The following KCNIP4 variants were observed in gnomAD, a reference collection of about 807,000 sequenced individuals.
The protein encoded by KCNIP4 is Kv channel-interacting protein 4.
A neutral mutation model predicts 34.0 loss-of-function variants in KCNIP4; 12 were observed. The observed-to-expected ratio is 0.35, with a 90% CI of 0.23 to 0.57. The LOEUF is 0.57. KCNIP4 is among the 20% of genes least tolerant of loss of function. The pLI, the probability that KCNIP4 is intolerant of heterozygous loss-of-function variation, is 0.83. For missense variants in KCNIP4, 238 were observed against 311.7 expected, an observed-to-expected ratio of 0.76 and a Z score of 1.78; for synonymous variants, 124 against 102.2, an observed-to-expected ratio of 1.21 and a Z score of -1.29.
intron 1 of KCNIP4, among the ~76,000 whole-genome samples, chr4:20,980,681 T>G (rs773484128): frequency 6.6e-6 from 1 of 152,142 alleles, no homozygotes; most frequent in Non-Finnish European, 1.5e-5. Context: ...AAAATCACAC[T>G]GGAGAAAATA....
chr4:21,100,560 T>A (rs1046428610), intron 1 of KCNIP4, among the ~76,000 whole-genome samples: 6 of 151,868 alleles, frequency 4.0e-5, no homozygotes, highest in East Asian at 1.9e-4. Context: ...CTCAAAAAAA[T>A]AAATAAATAA....
intron 2 of KCNIP4, among the ~76,000 whole-genome samples, chr4:20,858,777 A>G (rs923713564): frequency 3.3e-5 from 5 of 152,186 alleles, no homozygotes; most frequent in African/African-American, 1.2e-4. Context: ...GCGTGGTTGT[A>G]TATTATCCCA....
At chr4:21,690,148 TAC>T (rs1023219502) in intron 1 of KCNIP4, among the ~76,000 whole-genome samples, 3 of 147,836 alleles carry the variant, frequency 2.0e-5, no homozygotes, top group South Asian at 4.2e-4. Context: ...TATATATATA[TAC>T]ACACACACAT....
In KCNIP4 at chr4:21,735,249, T is replaced by C. The variant is rs551782870; in HGVS notation, c.61+213322A>G. Among the ~76,000 whole-genome samples the C allele has an allele frequency of 3.9e-5, 6 of 152,252 alleles. No homozygotes were observed. The East Asian group carries it at 5.8e-4, about 15-fold the overall frequency. Reference sequence around the variant, plus strand: ...ATGGTATGCTAGAGCCGGCTTCTAATTGGCTTGTGAGAGCCAATTGCTAAA... The same window carrying C: ...ATGGTATGCTAGAGCCGGCTTCTAACTGGCTTGTGAGAGCCAATTGCTAAA... On this transcript the variant is annotated intron_variant, in intron 1 of 8. Coordinates refer to ENST00000382152, the MANE Select transcript of KCNIP4 (RefSeq NM_025221.6).
At chr4:21,287,435 T>A (rs961866569) in intron 1 of KCNIP4, among the ~76,000 whole-genome samples, 43 of 152,204 alleles carry the variant, frequency 2.8e-4, no homozygotes, top group Non-Finnish European at 2.9e-5. Flanking sequence ...ATGAGTATTA[T>A]AATGATACAG....
chr4:21,942,486 CT>C, intron 1 of KCNIP4, among the ~76,000 whole-genome samples: 1 of 152,272 alleles, frequency 6.6e-6, no homozygotes, highest in African/African-American at 2.4e-5. Flanking sequence ...CTATTAAGCT[CT>C]TTTTCAGAAA....
intron 1 of KCNIP4, among the ~76,000 whole-genome samples, chr4:20,932,527 C>T (rs1050116880): frequency 2.2e-4 from 33 of 151,688 alleles, no homozygotes; most frequent in Non-Finnish European, 2.9e-4. Flanking sequence ...TAGGTTAAGG[C>T]TTTTTGTTAA....
At chr4:21,382,530 A>C (rs1052572766) in intron 1 of KCNIP4, among the ~76,000 whole-genome samples, 1 of 152,188 alleles carries the variant, frequency 6.6e-6, no homozygotes, top group Non-Finnish European at 1.5e-5. Flanking sequence ...TGTAGCTATA[A>C]GAGTATCTGC....
Position 20,984,148 on chromosome 4 carries a change from CT to C in KCNIP4, c.62-101440del, listed in dbSNP as rs5856591. On this transcript the variant is annotated intron_variant, in intron 1 of 8. Transcript: ENST00000382152. The stretch of plus-strand genomic sequence containing the variant: ...TGATCCTGGCATTTGGCTGGCGGGG[CT>C]TCCCCCCTGCTACCACAGCGCACGG... 4,814 of 613,790 alleles carry C rather than the reference CT, an allele frequency of 7.8e-3. 180 individuals are homozygous for C. In the African/African-American group the frequency reaches 0.081, roughly 10 times the overall value. The allele number at this position is 613,790 out of a possible 1,614,324, so 38.0% of individuals were successfully genotyped here.
Position 20,758,815 on chromosome 4 carries a change from A to T in KCNIP4, c.358+6T>A, listed in dbSNP as rs571953101. On this transcript the variant is annotated splice_donor_region_variant and intron_variant, in intron 4 of 8. Transcript: ENST00000382152. ...AGTATGTTAACAAGTCCACATTTGT[A>T]CTTACCTCCCTGTGGAAAGAACTGC... The T allele has an allele frequency of 6.2e-7, 1 of 1,607,902 alleles. No individual in the cohort carries two copies. The highest frequency in any genetic ancestry group is 8.5e-7 in the Non-Finnish European group (1 of 1,174,656).
chr4:21,228,118 T>A (rs770859760), intron 1 of KCNIP4, among the ~76,000 whole-genome samples: 1 of 152,212 alleles, frequency 6.6e-6, no homozygotes, highest in Non-Finnish European at 1.5e-5. Context: ...CAGCCTGATG[T>A]GATTTGGCTC....
At chr4:21,887,591 T>A (rs1489177827) in intron 1 of KCNIP4, among the ~76,000 whole-genome samples, 1 of 152,148 alleles carries the variant, frequency 6.6e-6, no homozygotes, top group Non-Finnish European at 1.5e-5. Flanking sequence ...TTTACCTTCC[T>A]AAATTGTTTC....
intron 1 of KCNIP4, among the ~76,000 whole-genome samples, chr4:21,362,638 C>T (rs930423128): frequency 3.5e-4 from 54 of 152,126 alleles, no homozygotes; most frequent in Admixed American, 3.1e-3. Context: ...AAGTAAAACA[C>T]GTTCAGTCTT....
intron 1 of KCNIP4, among the ~76,000 whole-genome samples, chr4:21,271,877 C>A (rs986921444): frequency 6.6e-6 from 1 of 152,138 alleles, no homozygotes; most frequent in Non-Finnish European, 1.5e-5. Context: ...ATCAAGAAAG[C>A]TCTTAGGATA....
In KCNIP4 at chr4:21,753,523, C is replaced by T. The variant is rs146469410; in HGVS notation, c.61+195048G>A. Among the ~76,000 whole-genome samples, 1,167 of 152,272 alleles carry T rather than the reference C, an allele frequency of 7.7e-3. 7 individuals carry two copies. Among genetic ancestry groups the T allele is most frequent in the Non-Finnish European group, 0.011 (763 of 68,014 alleles). ...TGAATGAATAAAAGAAAAGAGAATT[C>T]TTCCTGGTCTCTAAAAAAATATGCC... On this transcript the variant is annotated intron_variant, in intron 1 of 8. Transcript: ENST00000382152.
chr4:20,890,331 G>A (rs900678699), intron 1 of KCNIP4, among the ~76,000 whole-genome samples: 1 of 152,094 alleles, frequency 6.6e-6, no homozygotes, highest in Admixed American at 6.5e-5. Flanking sequence ...TTCTGTTGGT[G>A]GATATGGATA....
chr4:21,522,188 A>C (rs1005867999), intron 1 of KCNIP4, among the ~76,000 whole-genome samples: 12 of 152,104 alleles, frequency 7.9e-5, no homozygotes, highest in African/African-American at 2.9e-4. Context: ...ATCATCCCCC[A>C]TGCCAATTGA....
chr4:21,060,726 C>CA (rs2108970727), intron 1 of KCNIP4, among the ~76,000 whole-genome samples: 1 of 152,298 alleles, frequency 6.6e-6, no homozygotes, highest in East Asian at 1.9e-4. Flanking sequence ...GCTAAGTACT[C>CA]AGAGTCCTGA....
At chr4:21,180,824 T>C (rs1336185165) in intron 1 of KCNIP4, among the ~76,000 whole-genome samples, 1 of 151,932 alleles carries the variant, frequency 6.6e-6, no homozygotes, top group Non-Finnish European at 1.5e-5. Flanking sequence ...CTTATCCTTA[T>C]GTAGTGAATA....
Sources: gnomAD v4.1 joint callset for allele counts (sites outside exome capture counted in the v4.1 genomes callset) on GRCh38, gnomAD v4.1.1 for gene constraint, MANE v1.5 for transcripts, NCBI Gene and HGNC (gene_info 2026-07-23, HGNC 2026-07-21) for gene names.